The following DPP6 variants were observed in gnomAD, a reference collection of about 807,000 sequenced individuals.
DPP6 encodes the protein dipeptidyl peptidase like 6.
A neutral mutation model predicts 122.6 loss-of-function variants in DPP6; 69 were observed. The ratio of observed to expected loss-of-function variants is 0.56; its 90% confidence interval spans 0.46 to 0.69. The LOEUF (loss-of-function observed/expected upper bound fraction) is 0.69, where lower values mean the gene tolerates loss of function less well. Ranked by LOEUF, DPP6 falls within the 30% of genes least tolerant of loss-of-function variation. The pLI, the probability that DPP6 is intolerant of heterozygous loss-of-function variation, is 0.00. For missense variants in DPP6, 928 were observed against 1,116.9 expected (o/e 0.83, Z 2.41); for synonymous variants, 418 against 433.1 (o/e 0.97, Z 0.43).
rs184313138 is a variant in DPP6, at chr7:154,378,950, A to G, written c.244-67264A>G. 1.5e-4 allele frequency among the ~76,000 whole-genome samples: 23 copies of G among 152,336 alleles called. 1 individual carries two copies. The East Asian group carries it at 4.2e-3, about 28-fold the overall frequency. On this transcript the variant is annotated intron_variant, in intron 1 of 25. Transcript: ENST00000377770. Reference sequence around the variant, plus strand: ...GAACAGCATGGGGGAAACCACTTCCATGATCCAATCACCTCCCACCAAGTC... The same window carrying G: ...GAACAGCATGGGGGAAACCACTTCCGTGATCCAATCACCTCCCACCAAGTC...
intron 3 of DPP6, among the ~76,000 whole-genome samples, chr7:154,539,865 GT>G (rs1344299687): frequency 6.6e-6 from 1 of 151,988 alleles, no homozygotes; most frequent in Non-Finnish European, 1.5e-5. Context: ...TTGGGGAGTT[GT>G]TTTTTATACA....
intron 10 of DPP6, among the ~76,000 whole-genome samples, chr7:154,776,492 G>T (rs1796581108): frequency 1.3e-5 from 2 of 152,098 alleles, no homozygotes; most frequent in Admixed American, 6.5e-5. Context: ...CATCCCAGTG[G>T]AATTTTTAGA....
chr7:153,867,892 G>C, the DPP6 span, among the ~76,000 whole-genome samples: 1 of 152,136 alleles, frequency 6.6e-6, no homozygotes, highest in Non-Finnish European at 1.5e-5. Context: ...GGCCTTTTAT[G>C]CATCTATTGA....
intron 1 of DPP6, among the ~76,000 whole-genome samples, chr7:153,900,611 C>T (rs1431571018): frequency 1.3e-5 from 2 of 152,118 alleles, no homozygotes; most frequent in South Asian, 2.1e-4. Flanking sequence ...ATGACTAACT[C>T]ATTATCTCGA....
chr7:154,067,483 A>G (rs1305426937), intron 1 of DPP6, among the ~76,000 whole-genome samples: 1 of 152,014 alleles, frequency 6.6e-6, no homozygotes, highest in Non-Finnish European at 1.5e-5. Context: ...CATCAGGGAG[A>G]GGTCAGAGTA....
At chr7:154,027,117 G>A (rs1450949749) in intron 1 of DPP6, 2 of 147,954 alleles carry the variant, frequency 1.4e-5, no homozygotes, top group Admixed American at 6.8e-5. Context: ...TATGATCAGG[G>A]AGTTCTAAAG....
chr7:154,360,811 C>T (rs78878239), intron 1 of DPP6, among the ~76,000 whole-genome samples: 5,520 of 152,280 alleles, frequency 0.036, 130 homozygotes, highest in Non-Finnish European at 0.056. Context: ...TTGCCCTCGC[C>T]CACCAGAATT....
chr7:154,216,609 C>T (rs1327308872), intron 1 of DPP6, among the ~76,000 whole-genome samples: 32 of 152,144 alleles, frequency 2.1e-4, no homozygotes. Context: ...TGATGATCCT[C>T]TCTTCTAAAA....
upstream of DPP6, among the ~76,000 whole-genome samples, chr7:153,885,213 GT>G (rs1798866614): frequency 6.6e-6 from 1 of 151,826 alleles, no homozygotes; most frequent in African/African-American, 2.4e-5. Context: ...ATTTAGATTG[GT>G]GATATATTCT....
At chr7:154,312,685 G>A (rs1807013787) in intron 1 of DPP6, among the ~76,000 whole-genome samples, 1 of 152,188 alleles carries the variant, frequency 6.6e-6, no homozygotes, top group Non-Finnish European at 1.5e-5. Context: ...CCGTGGTGAT[G>A]GCGGGGCTCT....
intron 17 of DPP6, among the ~76,000 whole-genome samples, chr7:154,860,560 G>A (rs1255881242): frequency 1.3e-5 from 2 of 152,210 alleles, no homozygotes; most frequent in African/African-American, 2.4e-5. Context: ...GATGCACCTG[G>A]AAAGGGGCCG....
intron 3 of DPP6, among the ~76,000 whole-genome samples, chr7:154,538,947 AT>A (rs1828488748): frequency 6.6e-6 from 1 of 152,242 alleles, no homozygotes. Context: ...TTTGGATGTA[AT>A]TTACATAATG....
In DPP6 at chr7:154,451,090, T is replaced by C. The variant is rs1026399132; in HGVS notation, c.358+4762T>C. On this transcript the variant is annotated intron_variant, in intron 2 of 25. Transcript: ENST00000377770. ...ACTCAAGAGTGGAATAAGGCCGGTG[T>C]GGTGGCTCATGCCTGTAATCCCAGC... is the stretch of plus-strand genomic sequence containing the variant. Among the ~76,000 whole-genome samples the C allele has an allele frequency of 8.5e-5, 13 of 152,122 alleles. No individual in the cohort carries two copies. The East Asian group carries it at 2.1e-3, about 25-fold the overall frequency.
At chr7:154,010,606 G>A (rs1320090566) in intron 1 of DPP6, among the ~76,000 whole-genome samples, 2 of 152,142 alleles carry the variant, frequency 1.3e-5, no homozygotes, top group Non-Finnish European at 2.9e-5. Context: ...CCTTTCTGTG[G>A]CATTGATGCA....
intron 4 of DPP6, among the ~76,000 whole-genome samples, chr7:154,556,137 C>T (rs1300066308): frequency 1.3e-5 from 2 of 152,138 alleles, no homozygotes; most frequent in East Asian, 1.9e-4. Flanking sequence ...AACTCAATGA[C>T]AATAATAGCT....
At chr7:153,907,245 T>C (rs1799888829) in intron 1 of DPP6, among the ~76,000 whole-genome samples, 1 of 152,200 alleles carries the variant, frequency 6.6e-6, no homozygotes. Flanking sequence ...TGCACTTCTC[T>C]GATGATGAGT....
At chr7:154,496,594 T>TG (rs1369615743) in intron 3 of DPP6, among the ~76,000 whole-genome samples, 1 of 152,196 alleles carries the variant, frequency 6.6e-6, no homozygotes, top group Non-Finnish European at 1.5e-5. Flanking sequence ...CACAGTGTGC[T>TG]GGGGGTCTTC....
intron 1 of DPP6, among the ~76,000 whole-genome samples, chr7:154,239,128 G>C (rs887317627): frequency 2.6e-5 from 4 of 152,208 alleles, no homozygotes; most frequent in Non-Finnish European, 5.9e-5. Context: ...AGGGGAAGGG[G>C]AAAATGGTCA....
chr7:154,607,543 C>T (rs1323038607), intron 5 of DPP6, among the ~76,000 whole-genome samples: 2 of 63,644 alleles, frequency 3.1e-5, no homozygotes, highest in African/African-American at 1.0e-4. Flanking sequence ...GCCTGGGCGA[C>T]AGAGCAAGAC....
Sources: allele counts gnomAD v4.1 joint callset (sites outside exome capture counted in the v4.1 genomes callset), GRCh38; gene constraint gnomAD v4.1.1; transcripts MANE v1.5; gene names NCBI Gene and HGNC (gene_info 2026-07-23, HGNC 2026-07-21).